Variants in ZNF322 observed in about 807,000 individuals in gnomAD.
The protein encoded by ZNF322 is zinc finger protein 322, also known as HLA complex group 12.
A neutral mutation model predicts 18.3 loss-of-function variants in ZNF322; 1 was observed. The ratio of observed to expected loss-of-function variants is 0.05; its 90% CI spans 0.02 to 0.26. The LOEUF (loss-of-function observed/expected upper bound fraction) is 0.26. Ranked by LOEUF, ZNF322 falls within the 10% of genes least tolerant of loss-of-function variation. The probability of loss-of-function intolerance (pLI) is 1.00; values close to 1 mark genes in which losing one functional copy is unlikely to be tolerated. For missense variants in ZNF322, 36 were observed against 403.6 expected (o/e 0.09, Z 7.80); for synonymous variants, 17 against 130.7 (o/e 0.13, Z 5.93).
chr6:26,645,485 C>T (rs1180024636), intron 2 of ZNF322, among the ~76,000 whole-genome samples: 1 of 151,848 alleles, frequency 6.6e-6, no homozygotes, highest in Admixed American at 6.6e-5. Context: ...AAAAAAAAAG[C>T]CATTTAGGGT....
At chr6:26,649,680 TATATATATATATATATA>T (rs1404938712) in intron 2 of ZNF322, among the ~76,000 whole-genome samples, 684 of 23,126 alleles carry the variant, frequency 0.03, 17 homozygotes, top group South Asian at 0.071. Context: ...TGTGTGTATA[TATATATATATATATATA>T]TATATTTTTT....
chr6:26,641,047 T>C (rs917884845), intron 3 of ZNF322, among the ~76,000 whole-genome samples: 6 of 152,188 alleles, frequency 3.9e-5, no homozygotes, highest in Admixed American at 6.5e-5. Context: ...GGTACTAACA[T>C]GGTTACCTCT....
At chr6:26,646,044 TAAATAAATAAATAAATAAATA>T (rs1256034121) in intron 2 of ZNF322, among the ~76,000 whole-genome samples, 2 of 44,018 alleles carry the variant, frequency 4.5e-5, no homozygotes, top group East Asian at 3.5e-3. Flanking sequence ...AATAAATAAA[TAAATAAATAAATAAATAAATA>T]AATAAATAAA....
intron 2 of ZNF322, among the ~76,000 whole-genome samples, chr6:26,647,739 T>C (rs1765581356): frequency 6.6e-6 from 1 of 152,028 alleles, no homozygotes; most frequent in Admixed American, 6.6e-5. Flanking sequence ...ACAGACCAAA[T>C]AAATACAATG....
chr6:26,647,988 C>G (rs1765586992), intron 2 of ZNF322, among the ~76,000 whole-genome samples: 1 of 151,838 alleles, frequency 6.6e-6, no homozygotes. Flanking sequence ...AAGCAATTCT[C>G]CTGGCTCAGC....
chr6:26,642,309 A>G (rs1445021140), intron 3 of ZNF322, among the ~76,000 whole-genome samples: 2 of 152,118 alleles, frequency 1.3e-5, no homozygotes, highest in African/African-American at 4.8e-5. Context: ...ATAAATACTG[A>G]GGGAACTCAG....
chr6:26,641,819 G>A (rs1554148329), intron 3 of ZNF322, among the ~76,000 whole-genome samples: 1 of 152,194 alleles, frequency 6.6e-6, no homozygotes, highest in African/African-American at 2.4e-5. Flanking sequence ...GAAAGCCTGG[G>A]TATTGTCCAA....
At chr6:26,655,707 G>A in intron 2 of ZNF322, among the ~76,000 whole-genome samples, 1 of 152,178 alleles carries the variant, frequency 6.6e-6, no homozygotes, top group Non-Finnish European at 1.5e-5. Flanking sequence ...AGGTATGTAG[G>A]TAACAGGGGC....
chr6:26,640,071 A>G (rs979723666), intron 3 of ZNF322, among the ~76,000 whole-genome samples: 2 of 152,120 alleles, frequency 1.3e-5, no homozygotes, highest in Admixed American at 6.6e-5. Flanking sequence ...GACCATTCCA[A>G]TATTATTTCT....
chr6:26,655,714 G>A (rs1554149629), intron 2 of ZNF322, among the ~76,000 whole-genome samples: 1 of 152,062 alleles, frequency 6.6e-6, no homozygotes, highest in East Asian at 1.9e-4. Context: ...TAGGTAACAG[G>A]GGCACCACCC....
chr6:26,650,011 T>TTA (rs1765639776), intron 2 of ZNF322, among the ~76,000 whole-genome samples: 1 of 151,876 alleles, frequency 6.6e-6, no homozygotes, highest in Non-Finnish European at 1.5e-5. Flanking sequence ...CAAAAACATT[T>TTA]TATATATATA....
chr6:26,640,645 T>C (rs919958463), intron 3 of ZNF322, among the ~76,000 whole-genome samples: 1 of 152,184 alleles, frequency 6.6e-6, no homozygotes, highest in South Asian at 2.1e-4. Context: ...TTTTTCTCCA[T>C]AGAATGTAAG....
At chr6:26,644,668 T>C (rs1458914627) in intron 2 of ZNF322, among the ~76,000 whole-genome samples, 2 of 152,192 alleles carry the variant, frequency 1.3e-5, no homozygotes, top group Non-Finnish European at 2.9e-5. Flanking sequence ...TTCCCCCTTT[T>C]GGTCCTCTTC....
intron 2 of ZNF322, among the ~76,000 whole-genome samples, chr6:26,644,692 A>AG (rs1554148564): frequency 6.6e-6 from 1 of 152,190 alleles, no homozygotes; most frequent in Admixed American, 6.5e-5. Flanking sequence ...ATGGGGCCTA[A>AG]GCTCGGTGTA....
At chr6:26,656,064 G>A (rs1330479548) in intron 2 of ZNF322, among the ~76,000 whole-genome samples, 1 of 152,196 alleles carries the variant, frequency 6.6e-6, no homozygotes, top group Non-Finnish European at 1.5e-5. Flanking sequence ...AAGGGTATAT[G>A]GGAGTTCTTT....
At chr6:26,650,345 T>C (rs1262124907) in intron 2 of ZNF322, 1 of 152,200 alleles carries the variant, frequency 6.6e-6, no homozygotes, top group Non-Finnish European at 1.5e-5. Flanking sequence ...TCATACTTAA[T>C]GGTGAAAACT....
intron 3 of ZNF322, among the ~76,000 whole-genome samples, chr6:26,640,432 A>C (rs1175577279): frequency 6.6e-6 from 1 of 152,100 alleles, no homozygotes; most frequent in African/African-American, 2.4e-5. Context: ...CTCCCATTTC[A>C]GGGTCTTTAT....
rs1765573531 is a variant in ZNF322, at chr6:26,647,255, C to G, written c.-245-3527G>C. On this transcript the variant is annotated intron_variant, in intron 2 of 3. Coordinates refer to ENST00000415922, the MANE Select transcript of ZNF322 (RefSeq NM_024639.5). ...TTCAAGACCAGCCTGGACAACATAGCAAGATCCTGTCTCTATTTTGTTTTT... is the reference window on the plus strand; with the variant it reads ...TTCAAGACCAGCCTGGACAACATAGGAAGATCCTGTCTCTATTTTGTTTTT... 2.6e-5 allele frequency among the ~76,000 whole-genome samples: 4 copies of G among 151,682 alleles called. No homozygotes were observed. The South Asian group carries it at 8.4e-4, about 32-fold the overall frequency.
intron 2 of ZNF322, among the ~76,000 whole-genome samples, chr6:26,649,684 T>C (rs1765627395): frequency 3.3e-5 from 1 of 30,456 alleles, no homozygotes; most frequent in African/African-American, 1.3e-4. Context: ...TGTATATATA[T>C]ATATATATAT....
Sources: allele counts gnomAD v4.1 joint callset (sites outside exome capture counted in the v4.1 genomes callset), GRCh38; gene constraint gnomAD v4.1.1; transcripts MANE v1.5; gene names NCBI Gene and HGNC (gene_info 2026-07-23, HGNC 2026-07-21).